ALCAM: variants seen among roughly 807,000 people sequenced by gnomAD.
The protein encoded by ALCAM is CD166 antigen.
A neutral mutation model predicts 70.9 loss-of-function variants in ALCAM; 30 were observed. The observed-to-expected ratio is 0.42, with a 90% CI of 0.32 to 0.57. The LOEUF is 0.57. Among genes scored for constraint, ALCAM ranks in the 20% least tolerant of loss-of-function variants. The pLI is 0.11. For synonymous variants in ALCAM, 249 were observed against 242.5 expected (o/e 1.03, Z -0.25); for missense variants, 591 against 695.1 (o/e 0.85, Z 1.68).
intron 15 of ALCAM, among the ~76,000 whole-genome samples, chr3:105,572,812 GTTTC>G (rs1422783170): frequency 1.7e-4 from 26 of 152,196 alleles, no homozygotes; most frequent in Non-Finnish European, 1.5e-5. Flanking sequence ...AAACTTACCA[GTTTC>G]CCCCACTCCC....
chr3:105,481,301 A>G (rs1938264740), intron 1 of ALCAM, among the ~76,000 whole-genome samples: 1 of 152,080 alleles, frequency 6.6e-6, no homozygotes, highest in Non-Finnish European at 1.5e-5. Context: ...GACTATAATC[A>G]ACTTTTAAAT....
intron 1 of ALCAM, among the ~76,000 whole-genome samples, chr3:105,394,220 A>T (rs1576130982): frequency 6.6e-6 from 1 of 152,030 alleles, no homozygotes; most frequent in East Asian, 1.9e-4. Flanking sequence ...GTAATCGGTT[A>T]ATTTTGTTTA....
At position 105,488,698 on chromosome 3, in the gene ALCAM, G is replaced by C. The variant is rs140209312; in HGVS notation, c.74-31369G>C. Reference sequence around the variant, plus strand: ...GGAAGGGAAGGGGAAGGAAAGGAAAGAAGGGAAGGAAAGAAGGGAAGGGAG... The same window carrying C: ...GGAAGGGAAGGGGAAGGAAAGGAAACAAGGGAAGGAAAGAAGGGAAGGGAG... On this transcript the variant is annotated intron_variant, in intron 1 of 15. Coordinates refer to ENST00000306107, the MANE Select transcript of ALCAM (RefSeq NM_001627.4). Among the ~76,000 whole-genome samples the C allele has an allele frequency of 5.5e-3, 786 of 143,812 alleles. 5 individuals carry two copies. The highest frequency in any genetic ancestry group is 0.02 in the African/African-American group (710 of 36,358). 94.3% of individuals were successfully genotyped at this position (143,812 alleles called of 152,430 possible).
chr3:105,437,411 A>C (rs1008600008), intron 1 of ALCAM, among the ~76,000 whole-genome samples: 1 of 152,104 alleles, frequency 6.6e-6, no homozygotes, highest in Non-Finnish European at 1.5e-5. Context: ...AGCCTTTCCC[A>C]ATTTCTGAAA....
rs917962931 is a variant in ALCAM at position 105,367,466 on chromosome 3, A to G, written c.58A>G (p.Thr20Ala). The G allele has an allele frequency of 6.2e-7, 1 of 1,613,994 alleles. No homozygotes were observed. The highest frequency in any genetic ancestry group is 2.2e-5 in the East Asian group (1 of 44,852). Residue 20 changes from threonine to alanine, a missense_variant, in exon 1 of 16, where the codon ACC (threonine) becomes GCC (alanine). Thr to Ala is a moderately conservative substitution (Grantham distance 58). Transcript: ENST00000306107. ...GCTCTTCTGCCTCTTGATCTCCGCC[A>G]CCGTCTTCAGGCCAGGTGAGCAAGG... is the stretch of plus-strand genomic sequence containing the variant. ...RLLFCLLISA[T>A]VFRPGLGWYT...
At chr3:105,547,021 AG>A in intron 9 of ALCAM, 127 bp from the exon 10 acceptor site, 1 of 720,686 alleles carries the variant, frequency 1.4e-6, no homozygotes, top group Non-Finnish European at 2.1e-6. Flanking sequence ...AAGCATCTGA[AG>A]TTAAGAAAAA....
chr3:105,390,216 C>A (rs540324550), intron 1 of ALCAM, among the ~76,000 whole-genome samples: 1 of 151,922 alleles, frequency 6.6e-6, no homozygotes, highest in Admixed American at 6.6e-5. Context: ...AGTGTAAAAG[C>A]ATTCCTATTT....
intron 14 of ALCAM, 152 bp downstream of exon 14, chr3:105,552,737 T>G: frequency 6.8e-7 from 1 of 1,465,162 alleles, no homozygotes. Flanking sequence ...TTGTTTCAAC[T>G]AATTTTGACT....
intron 1 of ALCAM, among the ~76,000 whole-genome samples, chr3:105,443,420 C>T (rs539132655): frequency 1.1e-4 from 16 of 152,032 alleles, no homozygotes; most frequent in African/African-American, 3.6e-4. Flanking sequence ...ATATTATGCA[C>T]GCGAGCTTTC....
Position 105,434,870 on chromosome 3 carries a change from G to A in ALCAM, c.73+67389G>A, listed in dbSNP as rs142944422. Among the ~76,000 whole-genome samples the A allele has an allele frequency of 1.9e-3, 289 of 152,228 alleles. 3 individuals are homozygous for A. The highest frequency in any genetic ancestry group is 6.7e-3 in the African/African-American group (280 of 41,540). ...TCTCCCAGTGATTATACATGTATAT[G>A]TAAACTGTCAACCAGTTTCTTCATG... is the stretch of plus-strand genomic sequence containing the variant. On this transcript the variant is annotated intron_variant, in intron 1 of 15. Coordinates refer to ENST00000306107, the MANE Select transcript of ALCAM (RefSeq NM_001627.4).
intron 1 of ALCAM, among the ~76,000 whole-genome samples, chr3:105,469,086 T>G (rs1250723595): frequency 6.6e-6 from 1 of 151,312 alleles, no homozygotes; most frequent in Non-Finnish European, 1.5e-5. Flanking sequence ...TTCATATGTG[T>G]ATCAATTCTG....
intron 1 of ALCAM, among the ~76,000 whole-genome samples, chr3:105,408,734 A>G (rs1440328026): frequency 1.3e-5 from 2 of 152,190 alleles, no homozygotes; most frequent in Non-Finnish European, 2.9e-5. Flanking sequence ...TTTGCACAGC[A>G]AAAGGAACAG....
intron 3 of ALCAM, chr3:105,531,360 A>C (rs1008007317): frequency 6.6e-6 from 1 of 152,146 alleles, no homozygotes; most frequent in Admixed American, 6.5e-5. Flanking sequence ...ACACTTTCAT[A>C]TTGTGACTTG....
At chr3:105,368,734 A>AGCT (rs1246201745) in intron 1 of ALCAM, among the ~76,000 whole-genome samples, 1 of 151,946 alleles carries the variant, frequency 6.6e-6, no homozygotes, top group African/African-American at 2.4e-5. Flanking sequence ...AGTGTTTGCG[A>AGCT]GCTGCTGCTG....
chr3:105,465,517 G>A (rs1937693186), intron 1 of ALCAM, among the ~76,000 whole-genome samples: 1 of 151,394 alleles, frequency 6.6e-6, no homozygotes, highest in African/African-American at 2.4e-5. Flanking sequence ...AGACATTTCT[G>A]CTCACTGATT....
chr3:105,452,003 G>A (rs1406453926), intron 1 of ALCAM, among the ~76,000 whole-genome samples: 1 of 152,014 alleles, frequency 6.6e-6, no homozygotes, highest in East Asian at 1.9e-4. Flanking sequence ...CCTCTGGTTT[G>A]TGGCTTTACT....
rs746980123 is a variant in ALCAM at position 105,571,979 on chromosome 3, C to G, written c.*25+15C>G. On this transcript the variant is annotated intron_variant, in intron 15 of 15. Coordinates refer to ENST00000306107, the MANE Select transcript of ALCAM (RefSeq NM_001627.4). ...TAGTTGTCCAGGTGAGTAGTCTGTACGAGGTTCATAGAAATAATTCCCTAG... is the reference window on the plus strand; with the variant it reads ...TAGTTGTCCAGGTGAGTAGTCTGTAGGAGGTTCATAGAAATAATTCCCTAG... 9.0e-6 allele frequency: 13 copies of G among 1,443,682 alleles called. No homozygotes were observed. The highest frequency in any genetic ancestry group is 1.2e-5 in the South Asian group (1 of 81,736). 89.4% of individuals were successfully genotyped at this position (1,443,682 alleles called of 1,614,324 possible).
chr3:105,370,811 C>A (rs1935207901), intron 1 of ALCAM, among the ~76,000 whole-genome samples: 1 of 152,006 alleles, frequency 6.6e-6, no homozygotes, highest in Non-Finnish European at 1.5e-5. Flanking sequence ...GGATAGTAGG[C>A]CTCAGAAAGC....
chr3:105,449,599 A>G (rs1937378010), intron 1 of ALCAM, among the ~76,000 whole-genome samples: 1 of 152,204 alleles, frequency 6.6e-6, no homozygotes. Flanking sequence ...GAGCTGCTTA[A>G]TTAATCTGTT....
Sources: gnomAD v4.1 joint callset for allele counts (sites outside exome capture counted in the v4.1 genomes callset) on GRCh38, gnomAD v4.1.1 for gene constraint, MANE v1.5 for transcripts, NCBI Gene and HGNC (gene_info 2026-07-23, HGNC 2026-07-21) for gene names.